MAP3K1: variants seen among roughly 807,000 people sequenced by gnomAD.
The protein encoded by MAP3K1 is mitogen-activated protein kinase kinase kinase 1.
In MAP3K1, 36 loss-of-function variants were observed where a neutral mutation model predicts 144.2. The observed-to-expected ratio is 0.25, with a 90% CI of 0.19 to 0.33. MAP3K1 has a LOEUF of 0.33. Among genes scored for constraint, MAP3K1 ranks in the 10% least tolerant of loss-of-function variants. MAP3K1 has a pLI of 1.00. For missense variants in MAP3K1, 1,650 were observed against 1,881.9 expected (o/e 0.88, Z 2.28); for synonymous variants, 718 against 688.7 (o/e 1.04, Z -0.67).
chr5:56,884,832 T>C lies in MAP3K1; in HGVS notation c.3982+6T>C. 1 of 1,612,814 alleles carries C rather than the reference T, an allele frequency of 6.2e-7. No individual in the cohort carries two copies. Among genetic ancestry groups the C allele is most frequent in the East Asian group, 2.2e-5 (1 of 44,764 alleles). Reference sequence around the variant, plus strand: ...CTTCATTGAATGGATGGCAGGTATGTTAATGTTTTAAATTACAAAATAGTA... The same window carrying C: ...CTTCATTGAATGGATGGCAGGTATGCTAATGTTTTAAATTACAAAATAGTA... On this transcript the variant is annotated splice_donor_region_variant and intron_variant, in intron 16 of 19. Coordinates refer to ENST00000399503, the MANE Select transcript of MAP3K1 (RefSeq NM_005921.2).
chr5:56,857,033 A>G (rs1747364149), intron 2 of MAP3K1, among the ~76,000 whole-genome samples: 1 of 152,184 alleles, frequency 6.6e-6, no homozygotes, highest in Non-Finnish European at 1.5e-5. Flanking sequence ...TTGGAGTTTT[A>G]TACTGTACTT....
In MAP3K1 at chr5:56,815,980, C is replaced by G; in HGVS notation, c.407C>G (p.Ser136Trp). 1.6e-6 allele frequency: 2 copies of G among 1,255,992 alleles called. No homozygotes were observed. Among genetic ancestry groups the G allele is most frequent in the Non-Finnish European group, 2.0e-6 (2 of 1,001,776 alleles). 77.8% of individuals were successfully genotyped at this position (1,255,992 alleles called of 1,614,324 possible). A position where few individuals can be genotyped will look rare whatever the true frequency, so the allele number is the denominator to read the frequency against. ...GTGGCGGCGCCGGACAGCGGCGCCT[C>G]GAGTCCCGCAGCGGCCGAGCCCGGG... is the stretch of plus-strand genomic sequence containing the variant. ...ESVAAPDSGA[S>W]SPAAAEPGEK... Residue 136 changes from serine to tryptophan, a missense_variant, in exon 1 of 20, where the codon TCG (serine) becomes TGG (tryptophan). Ser to Trp is a radical substitution (Grantham distance 177, BLOSUM62 -3). This residue lies in a region of MAP3K1 where 360 missense variants were observed against 274.7 expected (regional missense o/e 1.31). Coordinates refer to ENST00000399503, the MANE Select transcript of MAP3K1 (RefSeq NM_005921.2).
In MAP3K1 at chr5:56,881,561, T is replaced by C; in HGVS notation, c.2370-9T>C. The C allele has an allele frequency of 6.3e-7, 1 of 1,598,792 alleles. No homozygotes were observed. Among genetic ancestry groups the C allele is most frequent in the Non-Finnish European group, 8.6e-7 (1 of 1,166,830 alleles). On this transcript the variant is annotated splice_polypyrimidine_tract_variant and intron_variant, in intron 13 of 19. Coordinates refer to ENST00000399503, the MANE Select transcript of MAP3K1 (RefSeq NM_005921.2). The stretch of plus-strand genomic sequence containing the variant: ...AACTTATATGGTAATGAATGTTTTT[T>C]TCTTTCAGGTATAAGAAGCTGCTGT...
chr5:56,874,739 A>T (rs1300696536), intron 9 of MAP3K1, among the ~76,000 whole-genome samples: 1 of 152,060 alleles, frequency 6.6e-6, no homozygotes. Flanking sequence ...AGCATGTGGG[A>T]CAGTAGAGGC....
chr5:56,859,230 A>G (rs575049968), intron 2 of MAP3K1, among the ~76,000 whole-genome samples: 1 of 152,188 alleles, frequency 6.6e-6, no homozygotes, highest in South Asian at 2.1e-4. Flanking sequence ...AAATGATTGC[A>G]TAGTGATCAA....
At chr5:56,881,000 G>A in intron 12 of MAP3K1, 83 bp from the exon 13 acceptor site, 1 of 1,229,154 alleles carries the variant, frequency 8.1e-7, no homozygotes, top group African/African-American at 1.5e-5. Context: ...ATTTTTGTTG[G>A]CCTTACACCA....
chr5:56,858,449 G>A (rs905741673), intron 2 of MAP3K1, among the ~76,000 whole-genome samples: 3 of 152,196 alleles, frequency 2.0e-5, no homozygotes, highest in Non-Finnish European at 4.4e-5. Context: ...TGTGGAATAA[G>A]ATGCATAACA....
rs1748240486 is a variant in MAP3K1 at position 56,882,182 on chromosome 5, A to C, written c.2982A>C (p.Pro994=). The C allele has an allele frequency of 2.5e-6, 4 of 1,614,152 alleles. No homozygotes were observed. In the East Asian group the frequency reaches 8.9e-5, roughly 36 times the overall value. The change falls in exon 14 of 20, where the codon CCA becomes CCC. Residue 994 remains proline, a synonymous_variant. Coordinates refer to ENST00000399503, the MANE Select transcript of MAP3K1 (RefSeq NM_005921.2). ...CTTCTTCTTCTACCCCATCTGTACC[A>C]GCTGGCACTGCAACAGATGTCTCTA... ...STPSSSTPSV[P]AGTATDVSKH... is the part of the protein sequence containing the mutation.
chr5:56,849,242 C>T (rs567608815), intron 1 of MAP3K1, among the ~76,000 whole-genome samples: 2 of 151,946 alleles, frequency 1.3e-5, no homozygotes, highest in African/African-American at 2.4e-5. Flanking sequence ...CCCAGCTACT[C>T]GGGAGGCTGA....
In MAP3K1 at chr5:56,856,610, G is replaced by A. The variant is rs1747350785; in HGVS notation, c.493G>A (p.Glu165Lys). 6.2e-7 allele frequency: 1 copy of A among 1,613,186 alleles called. No homozygotes were observed. The highest frequency in any genetic ancestry group is 8.5e-7 in the Non-Finnish European group (1 of 1,179,396). ...PAAAPAGREM[E>K]NKETLKGLHK... ...CTGCCTGCATTTTAGTCGTGAGATG[G>A]AGAATAAAGAAACTCTCAAAGGGTT... The change falls in exon 2 of 20, where the codon GAG (glutamate) becomes AAG (lysine). Residue 165 changes from glutamate (E) to lysine (K), a missense_variant. Transcript: ENST00000399503.
chr5:56,862,258 GTAT>G (rs1254310817), intron 3 of MAP3K1: 2 of 152,190 alleles, frequency 1.3e-5, no homozygotes, highest in African/African-American at 4.8e-5. Context: ...GTTGCAAAGA[GTAT>G]TGTTTCGAGA....
At chr5:56,857,463 ATCTC>A (rs1160314727) in intron 2 of MAP3K1, among the ~76,000 whole-genome samples, 1 of 152,100 alleles carries the variant, frequency 6.6e-6, no homozygotes, top group African/African-American at 2.4e-5. Context: ...CCTAGCACTA[ATCTC>A]TCTCAGCAAG....
intron 1 of MAP3K1, among the ~76,000 whole-genome samples, chr5:56,829,698 G>A (rs1035455906): frequency 2.0e-5 from 3 of 152,294 alleles, no homozygotes; most frequent in African/African-American, 4.8e-5. Flanking sequence ...CTGCTAGCAC[G>A]TGATTTCCAG....
chr5:56,856,646 G>GATGATCGTCCAGAGGAACGA lies in MAP3K1; in HGVS notation c.536_555dup (p.Arg186ValfsTer6). ...AACTCTCAAAGGGTTGCACAAGATG[G>GATGATCGTCCAGAGGAACGA]ATGATCGTCCAGAGGAACGAATGAT... On this transcript the variant is annotated frameshift_variant, in exon 2 of 20. Transcript: ENST00000399503. LOFTEE classifies it high-confidence loss of function. 6.2e-7 allele frequency: 1 copy of GATGATCGTCCAGAGGAACGA among 1,613,974 alleles called. No homozygotes were observed. The highest frequency in any genetic ancestry group is 8.5e-7 in the Non-Finnish European group (1 of 1,179,874).
At chr5:56,820,736 T>G (rs1368375927) in intron 1 of MAP3K1, 1 of 985,302 alleles carries the variant, frequency 1.0e-6, no homozygotes, top group Non-Finnish European at 1.2e-6. Context: ...ATTTCATCCA[T>G]TCAACATTTA....
intron 1 of MAP3K1, among the ~76,000 whole-genome samples, chr5:56,852,754 C>T (rs1013328963): frequency 3.3e-5 from 5 of 152,082 alleles, no homozygotes; most frequent in African/African-American, 1.2e-4. Context: ...GAAACATTCA[C>T]GTTTAACCAA....
At chr5:56,863,987 C>A (rs1180100066) in intron 3 of MAP3K1, among the ~76,000 whole-genome samples, 1 of 152,158 alleles carries the variant, frequency 6.6e-6, no homozygotes, top group Non-Finnish European at 1.5e-5. Flanking sequence ...GGAGGCATTC[C>A]ATGGCAGCGT....
chr5:56,883,548 C>T lies in MAP3K1; in HGVS notation c.3688C>T (p.His1230Tyr). ...GTAGACACCAGAGACTCTACCAGGA[C>T]ATACCAAAGCAAAACAACCGTATAG... ...QQDTPETLPG[H>Y]TKAKQPYRED... Residue 1230 changes from histidine to tyrosine, a missense_variant, in exon 15 of 20, where the codon CAT becomes TAT. His to Tyr is a moderately conservative substitution (Grantham distance 83). Transcript: ENST00000399503. 1 of 1,614,014 alleles carries T rather than the reference C, an allele frequency of 6.2e-7. No homozygotes were observed. The highest frequency in any genetic ancestry group is 8.5e-7 in the Non-Finnish European group (1 of 1,179,958).
At chr5:56,834,634 G>A (rs774295643) in intron 1 of MAP3K1, among the ~76,000 whole-genome samples, 1 of 152,140 alleles carries the variant, frequency 6.6e-6, no homozygotes, top group South Asian at 2.1e-4. Flanking sequence ...ACTTGAACCC[G>A]AGAGGCGGAT....
Sources: allele counts gnomAD v4.1 joint callset (sites outside exome capture counted in the v4.1 genomes callset), GRCh38; gene constraint gnomAD v4.1.1; regional missense constraint gnomAD v4.1.1; transcripts MANE v1.5; gene names NCBI Gene and HGNC (gene_info 2026-07-23, HGNC 2026-07-21).